Variants in RASSF7 observed in about 807,000 individuals in gnomAD.
RASSF7 encodes ras association domain-containing protein 7.
RASSF7 carries 41 observed loss-of-function variants against 33.8 expected under a neutral mutation model. That is an observed-to-expected ratio of 1.21 (90% confidence interval 0.95 to 1.57). The LOEUF is 1.57. Ranked by LOEUF, RASSF7 falls within the 40% of genes most tolerant of loss-of-function variation. The probability of loss-of-function intolerance (pLI) is 0.00; values close to 1 mark genes in which losing one functional copy is unlikely to be tolerated. For synonymous variants in RASSF7, 298 were observed against 212.8 expected, an observed-to-expected ratio of 1.40 and a Z score of -3.48; for missense variants, 622 against 497.0, an observed-to-expected ratio of 1.25 and a Z score of -2.39.
In RASSF7 at chr11:562,725, C is replaced by G; in HGVS notation, c.771C>G (p.Gly257=). The G allele has an allele frequency of 6.5e-7, 1 of 1,536,286 alleles. No individual in the cohort carries two copies. Among genetic ancestry groups the G allele is most frequent in the Non-Finnish European group, 8.7e-7 (1 of 1,144,346 alleles). Residue 257 remains glycine, a synonymous_variant, in exon 3 of 6, where the codon GGC becomes GGG. Transcript: ENST00000397583. The part of the protein sequence containing the change: ...VQERQSAEVQ[G]SLALVSRALE... Reference sequence around the variant, plus strand: ...AGCGGCAGAGTGCGGAGGTGCAGGGCAGCCTGGCTCTGGTGAGCCGGGCCC... The same window carrying G: ...AGCGGCAGAGTGCGGAGGTGCAGGGGAGCCTGGCTCTGGTGAGCCGGGCCC...
At position 562,376 on chromosome 11, in the gene RASSF7, C is replaced by T; in HGVS notation, c.422C>T (p.Pro141Leu). Residue 141 changes from proline (P) to leucine (L), a missense_variant, in exon 3 of 6, where the codon CCT (proline) becomes CTT (leucine). Transcript: ENST00000397583. ...EPAPSLSRPG[P>L]AAPVTPTPGC... Reference sequence around the variant, plus strand: ...GCCCCCAGCCTCTCACGCCCTGGGCCTGCGGCCCCTGTGACACCCACACCA... The same window carrying T: ...GCCCCCAGCCTCTCACGCCCTGGGCTTGCGGCCCCTGTGACACCCACACCA... 1.9e-6 allele frequency: 3 copies of T among 1,585,464 alleles called. No individual in the cohort carries two copies. The highest frequency in any genetic ancestry group is 2.6e-6 in the Non-Finnish European group (3 of 1,166,048).
In RASSF7 at chr11:563,203, G is replaced by A; in HGVS notation, c.837G>A (p.Glu279=). Residue 279 remains glutamate (E), a synonymous_variant, in exon 4 of 6, where the codon GAG becomes GAA. Transcript: ENST00000397583. ...AERALQAQAQ[E]LEELNRELRQ... ...TGTGTCCCCAGGCTCAGGCTCAGGA[G>A]CTGGAGGAGCTGAACCGAGAGCTCC... is the stretch of plus-strand genomic sequence containing the variant. 1 of 1,584,516 alleles carries A rather than the reference G, an allele frequency of 6.3e-7. No homozygotes were observed. Among genetic ancestry groups the A allele is most frequent in the Middle Eastern group, 1.7e-4 (1 of 5,950 alleles).
In RASSF7 at chr11:563,140, G is replaced by A. The variant is rs752096210; in HGVS notation, c.823-49G>A. 2.0e-6 allele frequency: 3 copies of A among 1,504,600 alleles called. No individual in the cohort carries two copies. In the African/African-American group the frequency reaches 4.2e-5, roughly 21 times the overall value. 93.2% of individuals were successfully genotyped at this position (1,504,600 alleles called of 1,614,324 possible). ...AAAGTGCTCCCTCCGGAGCACAAGG[G>A]CTGTGGAGCCCAGTGGCTGTGCCTC... On this transcript the variant is annotated intron_variant, in intron 3 of 5. Transcript: ENST00000397583.
chr11:561,806 G>A lies in RASSF7; in HGVS notation c.38G>A (p.Trp13Ter). ...CTGGCGGCCATGGAGCTGAAGGTGT[G>A]GGTGGATGGCATCCAGCGTGTGGTC... ...LGLAAMELKVWVDGIQRVVCG... is the reference protein window; with the variant it reads ...LGLAAMELKV Residue 13 changes from tryptophan (W) to a stop codon, truncating the protein, a stop_gained, in exon 2 of 6, where the codon TGG becomes TAG. Coordinates refer to ENST00000397583, the MANE Select transcript of RASSF7 (RefSeq NM_003475.4). LOFTEE classifies it high-confidence loss of function. 1 of 1,613,414 alleles carries A rather than the reference G, an allele frequency of 6.2e-7. No homozygotes were observed. Among genetic ancestry groups the A allele is most frequent in the Non-Finnish European group, 8.5e-7 (1 of 1,180,012 alleles).
Position 562,718 on chromosome 11 carries a change from T to C in RASSF7, c.764T>C (p.Val255Ala), listed in dbSNP as rs373052565. 4.6e-5 allele frequency: 71 copies of C among 1,539,492 alleles called. No homozygotes were observed. The African/African-American group carries it at 8.1e-4, about 18-fold the overall frequency. Residue 255 changes from valine to alanine, a missense_variant, in exon 3 of 6, where the codon GTG becomes GCG. By Grantham distance (64) the Val-to-Ala change is moderately conservative (BLOSUM62 0). Transcript: ENST00000397583. Reference sequence around the variant, plus strand: ...GTTCAGGAGCGGCAGAGTGCGGAGGTGCAGGGCAGCCTGGCTCTGGTGAGC... The same window carrying C: ...GTTCAGGAGCGGCAGAGTGCGGAGGCGCAGGGCAGCCTGGCTCTGGTGAGC... ...LAVQERQSAE[V>A]QGSLALVSRA...
Position 562,687 on chromosome 11 carries a change from C to G in RASSF7, c.733C>G (p.Leu245Val), listed in dbSNP as rs1007893609. ...ASATERLHQDLAVQERQSAEV... is the reference protein window; with the variant it reads ...ASATERLHQDVAVQERQSAEV... ...TGCCACTGAGCGCCTGCACCAGGAC[C>G]TGGCTGTTCAGGAGCGGCAGAGTGC... The change falls in exon 3 of 6, where the codon CTG becomes GTG. Residue 245 changes from leucine to valine, a missense_variant. By Grantham distance (32) the Leu-to-Val change is conservative. Transcript: ENST00000397583. 1 of 1,543,902 alleles carries G rather than the reference C, an allele frequency of 6.5e-7. No individual in the cohort carries two copies. The highest frequency in any genetic ancestry group is 2.0e-5 in the Admixed American group (1 of 51,010).
At position 561,210 on chromosome 11, in the gene RASSF7, C is replaced by G. The variant is rs1268637158; in HGVS notation, c.-275C>G. 3.1e-5 allele frequency: 31 copies of G among 984,858 alleles called. No homozygotes were observed. In the Admixed American group the frequency reaches 1.9e-3, roughly 61 times the overall value. The allele number at this position is 984,858 out of a possible 1,614,324, so 61.0% of individuals were successfully genotyped here. On this transcript the variant is annotated 5_prime_UTR_variant, in exon 1 of 6. Transcript: ENST00000397583. ...CCTGGCTCCCGCCAGGCTGGGGTCG[C>G]GGCGCGGGCTTCGGTGCCCGCGGCG...
rs536943168 is a variant in RASSF7, at chr11:563,308, T to C, written c.942T>C (p.Pro314=). 2 of 1,609,472 alleles carry C rather than the reference T, an allele frequency of 1.2e-6. No individual in the cohort carries two copies. The highest frequency in any genetic ancestry group is 1.3e-5 in the African/African-American group (1 of 74,996). Residue 314 remains proline (P), a synonymous_variant, in exon 4 of 6, where the codon CCT becomes CCC. Transcript: ENST00000397583. The part of the protein sequence containing the change: ...PPPPRPDRGP[P]GTQGPLPPAR... ...CCCCACGGCCTGACAGGGGCCCTCC[T>C]GGCACTCAGGTCGGAGTGGTTCTGG... is the stretch of plus-strand genomic sequence containing the variant.
In RASSF7 at chr11:563,591, A is replaced by G; in HGVS notation, c.1068A>G (p.Ala356=). 1.2e-6 allele frequency: 2 copies of G among 1,612,110 alleles called. No individual in the cohort carries two copies. Among genetic ancestry groups the G allele is most frequent in the South Asian group, 2.2e-5 (2 of 91,078 alleles). The change falls in exon 6 of 6, where the codon GCA becomes GCG. Residue 356 remains alanine, a synonymous_variant. Transcript: ENST00000397583. ...GPHDAELLEV[A]AAPAPEWCPL... is the part of the protein sequence containing the mutation. ...ATGACGCAGAACTCCTGGAGGTAGC[A>G]GCAGCTCCTGCCCCAGAGTGGTGTC...
chr11:561,890 T>C lies in RASSF7; in HGVS notation c.122T>C (p.Ile41Thr), dbSNP rs763202381. 1 of 1,613,382 alleles carries C rather than the reference T, an allele frequency of 6.2e-7. No individual in the cohort carries two copies. The highest frequency in any genetic ancestry group is 1.7e-5 in the Admixed American group (1 of 60,004). ...GTGGTCATCGCACTAGCCCAAGCAA[T>C]AGGTGAGTCCTCTCGGGGTCAGGCA... ...QEVVIALAQA[I>T]GQTGRFVLVQ... The change falls in exon 2 of 6, where the codon ATA becomes ACA. Residue 41 changes from isoleucine (I) to threonine (T), a missense_variant and splice_region_variant. Transcript: ENST00000397583.
Position 563,942 on chromosome 11 carries a change from C to T in RASSF7, c.*297C>T, listed in dbSNP as rs1244246746. 9.4e-6 allele frequency: 5 copies of T among 530,728 alleles called. No individual in the cohort carries two copies. In the African/African-American group the frequency reaches 9.5e-5, roughly 10 times the overall value. 32.9% of individuals were successfully genotyped at this position (530,728 alleles called of 1,614,324 possible). A position where few individuals can be genotyped will look rare whatever the true frequency, so the allele number is the denominator to read the frequency against. ...GCTTGCCTGCGGGAGAGGTCCTTCA[C>T]TGTGTGTACACAGCAAGAGCATGTG... On this transcript the variant is annotated 3_prime_UTR_variant, in exon 6 of 6. Transcript: ENST00000397583.
Position 562,542 on chromosome 11 carries a change from A to C in RASSF7, c.588A>C (p.Leu196=). 6.5e-7 allele frequency: 1 copy of C among 1,547,812 alleles called. No homozygotes were observed. Among genetic ancestry groups the C allele is most frequent in the Non-Finnish European group, 8.7e-7 (1 of 1,146,794 alleles). ...EREGQARLQA[L]SAATAEHAAR... ...AGGGACAGGCACGCCTGCAGGCACT[A>C]AGTGCGGCCACTGCTGAGCATGCCG... The change falls in exon 3 of 6, where the codon CTA becomes CTC. Residue 196 remains leucine, a synonymous_variant. Coordinates refer to ENST00000397583, the MANE Select transcript of RASSF7 (RefSeq NM_003475.4).
rs1435642222 is a variant in RASSF7 at position 563,326 on chromosome 11, G to A, written c.951+9G>A. The A allele has an allele frequency of 3.1e-6, 5 of 1,606,936 alleles. No individual in the cohort carries two copies. The highest frequency in any genetic ancestry group is 1.3e-5 in the African/African-American group (1 of 74,810). On this transcript the variant is annotated intron_variant, in intron 4 of 5. Transcript: ENST00000397583. ...GCCCTCCTGGCACTCAGGTCGGAGT[G>A]GTTCTGGGGGGAGGCTGGGAGGTGA...
rs2242183 is a variant in RASSF7 at position 562,219 on chromosome 11, C to G, written c.265C>G (p.Pro89Ala). 102,796 of 1,610,094 alleles carry G rather than the reference C, an allele frequency of 0.064. 5,611 individuals carry two copies. Among genetic ancestry groups the G allele is most frequent in the East Asian group, 0.34 (15,119 of 44,858 alleles). Residue 89 changes from proline to alanine, a missense_variant, in exon 3 of 6, where the codon CCC becomes GCC. Transcript: ENST00000397583. ...DVQFVLRRTG[P>A]SLAGRPSSDS... is the part of the protein sequence containing the mutation. ...CCAGTTTGTCCTGAGGCGCACAGGGCCCAGCCTAGCTGGGAGGCCCTCCTC... is the reference window on the plus strand; with the variant it reads ...CCAGTTTGTCCTGAGGCGCACAGGGGCCAGCCTAGCTGGGAGGCCCTCCTC...
chr11:563,449 C>T lies in RASSF7; in HGVS notation c.1005C>T (p.Ser335=). 2 of 1,611,638 alleles carry T rather than the reference C, an allele frequency of 1.2e-6. No homozygotes were observed. Among genetic ancestry groups the T allele is most frequent in the Non-Finnish European group, 1.7e-6 (2 of 1,179,550 alleles). ...CCCTCCTGGGCGCTCCCTCTGAGTC[C>T]CATGCTGGTGCCCAGCCTAGGCCCC... is the stretch of plus-strand genomic sequence containing the variant. The part of the protein sequence containing the change: ...EESLLGAPSE[S]HAGAQPRPRG... Residue 335 remains serine (S), a synonymous_variant, in exon 5 of 6, where the codon TCC becomes TCT. Coordinates refer to ENST00000397583, the MANE Select transcript of RASSF7 (RefSeq NM_003475.4).
rs142859867 is a variant in RASSF7 at position 563,477 on chromosome 11, G to C, written c.1033G>C (p.Gly345Arg). ...TGCTGGTGCCCAGCCTAGGCCCCGA[G>C]GGTATGTCTGTGCCCCACCTCCCCC... The part of the protein sequence containing the change: ...SHAGAQPRPR[G>R]GPHDAELLEV... The change falls in exon 5 of 6, where the codon GGT (glycine) becomes CGT (arginine). Residue 345 changes from glycine (G) to arginine (R), a missense_variant and splice_region_variant. By Grantham distance (125) the Gly-to-Arg change is moderately radical. Coordinates refer to ENST00000397583, the MANE Select transcript of RASSF7 (RefSeq NM_003475.4). The C allele has an allele frequency of 3.0e-4, 491 of 1,610,272 alleles. No individual in the cohort carries two copies. Among genetic ancestry groups the C allele is most frequent in the Non-Finnish European group, 4.0e-4 (475 of 1,179,202 alleles).
intron 3 of RASSF7, 77 bp downstream of exon 3, chr11:562,853 C>G: frequency 3.3e-6 from 4 of 1,224,056 alleles, no homozygotes; most frequent in Non-Finnish European, 4.4e-6. Flanking sequence ...GGGTCCCACT[C>G]GGGAGGCAGG....
chr11:563,806 C>G lies in RASSF7; in HGVS notation c.*161C>G, dbSNP rs1390926959. The G allele has an allele frequency of 4.4e-6, 3 of 678,690 alleles. No homozygotes were observed. The highest frequency in any genetic ancestry group is 7.3e-6 in the Non-Finnish European group (3 of 408,954). 42.0% of individuals were successfully genotyped at this position (678,690 alleles called of 1,614,324 possible). On this transcript the variant is annotated 3_prime_UTR_variant, in exon 6 of 6. Coordinates refer to ENST00000397583, the MANE Select transcript of RASSF7 (RefSeq NM_003475.4). ...CTAGTCCTTGCCAGGTCGCCAGCAC[C>G]CTGGAGAAGCATGGGGCGTAGCCAG...
At position 561,177 on chromosome 11, in the gene RASSF7, G is replaced by T. The variant is rs1441526208; in HGVS notation, c.-308G>T. On this transcript the variant is annotated 5_prime_UTR_variant, in exon 1 of 6. Transcript: ENST00000397583. The stretch of plus-strand genomic sequence containing the variant: ...CGCACCTGCGCCCGCCCTGCGGAAC[G>T]GGGACGCCCTGGCTCCCGCCAGGCT... 1.0e-6 allele frequency: 1 copy of T among 984,882 alleles called. No individual in the cohort carries two copies. The allele number at this position is 984,882 out of a possible 1,614,324, so 61.0% of individuals were successfully genotyped here.
Sources: allele counts gnomAD v4.1 joint callset, GRCh38; gene constraint gnomAD v4.1.1; transcripts MANE v1.5; gene names NCBI Gene and HGNC (gene_info 2026-07-23, HGNC 2026-07-21).